Variants in CD163L1 observed in about 807,000 individuals in gnomAD.
CD163L1 encodes the protein CD163 molecule like 1, also known as scavenger receptor cysteine-rich type 1 protein M160.
A neutral mutation model predicts 165.4 loss-of-function variants in CD163L1; 124 were observed. The ratio of observed to expected loss-of-function variants is 0.75; its 90% confidence interval spans 0.65 to 0.87. CD163L1 has a LOEUF of 0.87. Ranked by LOEUF, CD163L1 falls within the 40% of genes least tolerant of loss-of-function variation. CD163L1 has a pLI of 0.00. For missense variants in CD163L1, 1,525 were observed against 1,799.9 expected, an observed-to-expected ratio of 0.85 and a Z score of 2.76; for synonymous variants, 585 against 662.2, an observed-to-expected ratio of 0.88 and a Z score of 1.79.
intron 4 of CD163L1, among the ~76,000 whole-genome samples, chr12:7,422,893 C>A (rs1157608938): frequency 1.3e-5 from 2 of 151,630 alleles, no homozygotes; most frequent in African/African-American, 4.8e-5. Flanking sequence ...GACTTTAACA[C>A]CCCACTTCCA....
rs938244897 is a variant in CD163L1 at position 7,368,064 on chromosome 12, T to C, written c.4183+23A>G. 4.3e-6 allele frequency: 6 copies of C among 1,403,724 alleles called. No homozygotes were observed. The Admixed American group carries it at 5.1e-5, about 12-fold the overall frequency. The allele number at this position is 1,403,724 out of a possible 1,614,324, so 87.0% of individuals were successfully genotyped here. A position where few individuals can be genotyped will look rare whatever the true frequency, so the allele number is the denominator to read the frequency against. On this transcript the variant is annotated intron_variant, in intron 17 of 19. Coordinates refer to ENST00000313599, the MANE Select transcript of CD163L1 (RefSeq NM_174941.6). The surrounding 1 kb of genome is among the most constrained non-coding windows in gnomAD (Gnocchi z 4.3). ...TTGGTGGCAGGTAACTCACATTTTA[T>C]ACAATCCTAGTGGGGCTCTCACCTC... is the stretch of plus-strand genomic sequence containing the variant.
intron 18 of CD163L1, among the ~76,000 whole-genome samples, chr12:7,365,235 ACT>A (rs770010145): frequency 1.3e-5 from 2 of 152,078 alleles, no homozygotes; most frequent in African/African-American, 4.8e-5. Context: ...ATGAAACTAG[ACT>A]CTATCTCATA....
intron 8 of CD163L1, among the ~76,000 whole-genome samples, chr12:7,389,974 A>T (rs28844381): frequency 8.1e-6 from 1 of 122,898 alleles, no homozygotes; most frequent in Non-Finnish European, 1.6e-5. Flanking sequence ...ATATATATAT[A>T]TATATATATG....
At chr12:7,344,148 G>A (rs140290308), downstream of CD163L1, among the ~76,000 whole-genome samples, 33 of 150,936 alleles carry the variant, frequency 2.2e-4, 1 homozygote, top group Admixed American at 1.3e-3. Flanking sequence ...GTGGGTTATC[G>A]TGGCTCACTG....
intron 19 of CD163L1, among the ~76,000 whole-genome samples, chr12:7,355,905 G>A (rs1179394376): frequency 2.6e-5 from 4 of 152,100 alleles, no homozygotes; most frequent in African/African-American, 9.7e-5. Flanking sequence ...CCAGAATTGT[G>A]AGAAAACAAA....
chr12:7,382,282 C>G (rs1219759400), intron 8 of CD163L1, among the ~76,000 whole-genome samples: 2 of 151,976 alleles, frequency 1.3e-5, no homozygotes, highest in African/African-American at 2.4e-5. Flanking sequence ...GAGAGAAGAA[C>G]TTTCCCTTAA....
At chr12:7,337,401 A>C in the CD163L1 span, among the ~76,000 whole-genome samples, 4 of 152,196 alleles carry the variant, frequency 2.6e-5, no homozygotes, top group Non-Finnish European at 5.9e-5. Flanking sequence ...AATGGGAGAA[A>C]ATTTTTGCAA....
chr12:7,364,218 A>G (rs553042500), intron 18 of CD163L1, among the ~76,000 whole-genome samples: 7 of 152,274 alleles, frequency 4.6e-5, no homozygotes, highest in Admixed American at 6.5e-5. Context: ...ATGCTAAAAA[A>G]TCATTCATAA....
intron 9 of CD163L1, among the ~76,000 whole-genome samples, chr12:7,377,645 A>G (rs1947297430): frequency 6.6e-6 from 1 of 152,146 alleles, no homozygotes; most frequent in South Asian, 2.1e-4. Flanking sequence ...ACTTCTCTGT[A>G]GCTAAGCTTA....
intron 2 of CD163L1, chr12:7,438,864 G>C: frequency 6.3e-7 from 1 of 1,576,476 alleles, no homozygotes; most frequent in South Asian, 1.1e-5. Flanking sequence ...ATAGGCATAA[G>C]CTTCTCTAAC....
intron 4 of CD163L1, among the ~76,000 whole-genome samples, chr12:7,418,023 G>C (rs1051248821): frequency 1.3e-5 from 2 of 151,910 alleles, no homozygotes; most frequent in Non-Finnish European, 2.9e-5. Context: ...ATAAGAGGCA[G>C]AACAAATGGA....
intron 9 of CD163L1, 106 bp from the exon 10 acceptor site, chr12:7,376,120 A>G (rs1246139946): frequency 5.3e-6 from 5 of 936,508 alleles, no homozygotes; most frequent in Non-Finnish European, 7.8e-6. Context: ...ATTCATCATT[A>G]GAACATCCCA....
At chr12:7,320,831 A>G in the CD163L1 span, 3 of 1,554,060 alleles carry the variant, frequency 1.9e-6, no homozygotes, top group African/African-American at 4.1e-5. Flanking sequence ...CTCCATTTGA[A>G]CCACAAACAA....
At position 7,348,152 on chromosome 12, in the gene CD163L1, T is replaced by C. The variant is rs551494760; in HGVS notation, c.*25-1005A>G. Among the ~76,000 whole-genome samples, 28 of 152,308 alleles carry C rather than the reference T, an allele frequency of 1.8e-4. 1 individual carries two copies. Among genetic ancestry groups the C allele is most frequent in the Non-Finnish European group, 3.4e-4 (23 of 68,016 alleles). The stretch of plus-strand genomic sequence containing the variant: ...TAGGCTATACTAAAATTAATAAAAA[T>C]ATTGAGCAGAGTTCCACATAAGCAG... On this transcript the variant is annotated intron_variant, in intron 4 of 4. Coordinates refer to the CD163L1 transcript ENST00000539726.
Position 7,433,671 on chromosome 12 carries a change from G to A in CD163L1, c.148C>T (p.Leu50=), listed in dbSNP as rs767009375. ...GAGCAGGGACCGTCTCCATTGACCA[G>A]CCTCAACTCCAAATCTGTTCCATCT... ...SFNGTDLELR[L]VNGDGPCSGT... The change falls in exon 3 of 20, where the codon CTG becomes TTG. Residue 50 remains leucine, a synonymous_variant. Coordinates refer to ENST00000313599, the MANE Select transcript of CD163L1 (RefSeq NM_174941.6). 2 of 1,612,320 alleles carry A rather than the reference G, an allele frequency of 1.2e-6. No individual in the cohort carries two copies. Among genetic ancestry groups the A allele is most frequent in the East Asian group, 2.2e-5 (1 of 44,862 alleles).
chr12:7,393,226 G>A (rs1457822773), intron 8 of CD163L1, among the ~76,000 whole-genome samples: 7 of 152,130 alleles, frequency 4.6e-5, no homozygotes, highest in Non-Finnish European at 8.8e-5. Context: ...TATCCACCAC[G>A]GTCAAGTTGG....
intron 6 of CD163L1, among the ~76,000 whole-genome samples, chr12:7,402,325 T>C (rs1210982340): frequency 6.6e-6 from 1 of 151,638 alleles, no homozygotes; most frequent in African/African-American, 2.4e-5. Context: ...AAATAAGGAG[T>C]TGCATTATTT....
intron 14 of CD163L1, among the ~76,000 whole-genome samples, chr12:7,371,553 T>C (rs1947146552): frequency 6.6e-6 from 1 of 152,092 alleles, no homozygotes; most frequent in South Asian, 2.1e-4. Context: ...ATATAAAATA[T>C]TGATAAATTA....
intron 4 of CD163L1, among the ~76,000 whole-genome samples, chr12:7,426,355 C>A (rs767416872): frequency 1.3e-5 from 2 of 151,952 alleles, no homozygotes; most frequent in East Asian, 3.9e-4. Flanking sequence ...GGGCTTAAAA[C>A]CTAGATGACA....
Sources: gnomAD v4.1 joint callset for allele counts (sites outside exome capture counted in the v4.1 genomes callset) on GRCh38, gnomAD v4.1.1 for gene constraint, Gnocchi (gnomAD v3.1) non-coding constraint, MANE v1.5 for transcripts, NCBI Gene and HGNC (gene_info 2026-07-23, HGNC 2026-07-21) for gene names.